The following PRKCA variants were observed in gnomAD, a reference collection of about 807,000 sequenced individuals.
PRKCA encodes protein kinase C alpha type.
PRKCA carries 27 observed loss-of-function variants against 87.0 expected under a neutral mutation model. That is an observed-to-expected ratio of 0.31 (90% CI 0.23 to 0.43). PRKCA has a LOEUF of 0.43. PRKCA is among the 20% of genes least tolerant of loss of function. PRKCA has a pLI of 1.00. For missense variants in PRKCA, 518 were observed against 852.3 expected, an observed-to-expected ratio of 0.61 and a Z score of 4.88; for synonymous variants, 329 against 311.1, an observed-to-expected ratio of 1.06 and a Z score of -0.61.
intron 3 of PRKCA, among the ~76,000 whole-genome samples, chr17:66,535,819 G>T (rs374349659): frequency 1.6e-3 from 243 of 152,242 alleles, no homozygotes; most frequent in African/African-American, 5.3e-3. Flanking sequence ...CTAATGAGGG[G>T]CCCCCACAGC....
At position 66,344,817 on chromosome 17, in the gene PRKCA, G is replaced by T. The variant is rs188483323; in HGVS notation, c.205+38690G>T. 2.8e-4 allele frequency among the ~76,000 whole-genome samples: 42 copies of T among 152,272 alleles called. No homozygotes were observed. The East Asian group carries it at 3.9e-3, about 14-fold the overall frequency. ...GTCCCACTCTGTCACCCAGGCTGGG[G>T]TGCACTTGCGCGATCTCGGCTCACT... On this transcript the variant is annotated intron_variant, in intron 2 of 16. Coordinates refer to ENST00000413366, the MANE Select transcript of PRKCA (RefSeq NM_002737.3).
At chr17:66,738,691 C>A in intron 10 of PRKCA, 73 bp from the exon 11 acceptor site, 2 of 1,213,428 alleles carry the variant, frequency 1.6e-6, no homozygotes, top group Non-Finnish European at 1.2e-6. Flanking sequence ...AAGCAAAACA[C>A]AACCTGTGAA....
chr17:66,570,723 C>T (rs1191884308), intron 3 of PRKCA, among the ~76,000 whole-genome samples: 1 of 152,096 alleles, frequency 6.6e-6, no homozygotes, highest in Non-Finnish European at 1.5e-5. Flanking sequence ...TAACTGTGCT[C>T]GTCTGGAGCT....
chr17:66,587,389 A>G (rs1969628338), intron 3 of PRKCA, among the ~76,000 whole-genome samples: 1 of 152,162 alleles, frequency 6.6e-6, no homozygotes, highest in African/African-American at 2.4e-5. Context: ...ATTGTATTAC[A>G]CTCTACAGAT....
intron 3 of PRKCA, among the ~76,000 whole-genome samples, chr17:66,617,254 C>G (rs754974318): frequency 6.6e-6 from 1 of 152,066 alleles, no homozygotes; most frequent in Non-Finnish European, 1.5e-5. Context: ...TGACCTACCT[C>G]GGTATGGGCT....
intron 2 of PRKCA, among the ~76,000 whole-genome samples, chr17:66,437,735 C>CGGGGG (rs1233106338): frequency 3.6e-4 from 2 of 5,588 alleles, no homozygotes; most frequent in Admixed American, 2.7e-3. Context: ...TTTTTTTGAG[C>CGGGGG]GGGGGGTGGG....
intron 16 of PRKCA, among the ~76,000 whole-genome samples, chr17:66,798,464 G>GTGGTGGTGGTGA (rs1568040950): frequency 2.5e-5 from 2 of 78,844 alleles, no homozygotes; most frequent in Non-Finnish European, 4.9e-5. Flanking sequence ...GGTGGTGGTG[G>GTGGTGGTGGTGA]TGGTGGTGGT....
chr17:66,693,204 G>C (rs117471129), intron 8 of PRKCA, among the ~76,000 whole-genome samples: 6 of 152,212 alleles, frequency 3.9e-5, no homozygotes, highest in Non-Finnish European at 7.3e-5. Flanking sequence ...GGCTGGAGAT[G>C]ACCTTCCTCG....
At chr17:66,766,827 AT>A (rs1169523793) in intron 13 of PRKCA, among the ~76,000 whole-genome samples, 2 of 146,948 alleles carry the variant, frequency 1.4e-5, no homozygotes, top group Non-Finnish European at 3.0e-5. Flanking sequence ...AAAAAAAAAA[AT>A]TTAATGAAAC....
At chr17:66,347,984 C>T (rs1392343613) in intron 2 of PRKCA, among the ~76,000 whole-genome samples, 1 of 96,434 alleles carries the variant, frequency 1.0e-5, no homozygotes, top group Non-Finnish European at 2.0e-5. Flanking sequence ...GCTCTGTGCC[C>T]AGGCTGGAGT....
chr17:66,348,748 T>G (rs1907559272), intron 2 of PRKCA, among the ~76,000 whole-genome samples: 1 of 152,142 alleles, frequency 6.6e-6, no homozygotes, highest in African/African-American at 2.4e-5. Flanking sequence ...AGTTGGAACA[T>G]TATCCAGCAG....
chr17:66,795,740 A>AT (rs1812842611), intron 16 of PRKCA, among the ~76,000 whole-genome samples: 1 of 152,214 alleles, frequency 6.6e-6, no homozygotes, highest in African/African-American at 2.4e-5. Flanking sequence ...TCCAACAACG[A>AT]TGGCCATTAC....
intron 8 of PRKCA, among the ~76,000 whole-genome samples, chr17:66,700,715 A>G (rs183098330): frequency 2.6e-5 from 4 of 152,324 alleles, no homozygotes; most frequent in African/African-American, 9.6e-5. Context: ...AAAAAGAACG[A>G]AATACTTAAG....
intron 8 of PRKCA, among the ~76,000 whole-genome samples, chr17:66,705,868 C>T (rs570219735): frequency 3.3e-4 from 50 of 152,200 alleles, no homozygotes; most frequent in African/African-American, 1.2e-3. Context: ...AATTAAGGGA[C>T]CTAGAATAAG....
chr17:66,402,262 T>G (rs900046571), intron 2 of PRKCA, among the ~76,000 whole-genome samples: 1 of 152,142 alleles, frequency 6.6e-6, no homozygotes, highest in African/African-American at 2.4e-5. Context: ...CGTGTGAAGA[T>G]CCTTAGGACC....
At chr17:66,432,968 G>A (rs1016780389) in intron 2 of PRKCA, among the ~76,000 whole-genome samples, 4 of 152,170 alleles carry the variant, frequency 2.6e-5, no homozygotes, top group African/African-American at 4.8e-5. Flanking sequence ...AGCTTGTGAA[G>A]CCAGGCTCTT....
At chr17:66,435,391 G>T (rs1913325206) in intron 2 of PRKCA, among the ~76,000 whole-genome samples, 1 of 152,210 alleles carries the variant, frequency 6.6e-6, no homozygotes, top group Non-Finnish European at 1.5e-5. Context: ...TGACAATAAG[G>T]CTGCAGTCCC....
chr17:66,519,892 T>G (rs1355650159), intron 3 of PRKCA, among the ~76,000 whole-genome samples: 1 of 152,188 alleles, frequency 6.6e-6, no homozygotes, highest in Non-Finnish European at 1.5e-5. Flanking sequence ...TTACCTTGGA[T>G]ATGGTTGAGT....
chr17:66,682,310 G>A (rs764166531), intron 5 of PRKCA, among the ~76,000 whole-genome samples: 8 of 152,194 alleles, frequency 5.3e-5, no homozygotes, highest in Non-Finnish European at 7.3e-5. Flanking sequence ...TAATTTCAGA[G>A]CAGCCATCTG....
Sources: allele counts gnomAD v4.1 joint callset (sites outside exome capture counted in the v4.1 genomes callset), GRCh38; gene constraint gnomAD v4.1.1; transcripts MANE v1.5; gene names NCBI Gene and HGNC (gene_info 2026-07-23, HGNC 2026-07-21).